The following UBE2F variants were observed in gnomAD, a reference collection of about 807,000 sequenced individuals.
UBE2F encodes NEDD8-conjugating enzyme UBE2F.
In UBE2F, 5 loss-of-function variants were observed where a neutral mutation model predicts 29.6. The ratio of observed to expected loss-of-function variants is 0.17; its 90% confidence interval spans 0.09 to 0.36. The LOEUF (loss-of-function observed/expected upper bound fraction) is 0.36. UBE2F is among the 10% of genes least tolerant of loss of function. UBE2F has a pLI of 1.00. For synonymous variants in UBE2F, 66 were observed against 81.8 expected (o/e 0.81, Z 1.04); for missense variants, 141 against 228.5 (o/e 0.62, Z 2.47).
intron 5 of UBE2F, among the ~76,000 whole-genome samples, chr2:238,022,626 T>G (rs559801716): frequency 2.0e-5 from 3 of 152,316 alleles, no homozygotes; most frequent in Non-Finnish European, 4.4e-5. Context: ...TATAATTCTC[T>G]TTTATGTTTA....
In UBE2F at chr2:238,027,183, G is replaced by A. The variant is rs928372666; in HGVS notation, c.353+1771G>A. Among the ~76,000 whole-genome samples, 72 of 152,106 alleles carry A rather than the reference G, an allele frequency of 4.7e-4. 2 individuals are homozygous for A. Among genetic ancestry groups the A allele is most frequent in the African/African-American group, 1.7e-3 (72 of 41,416 alleles). ...CTGATATAAAAGCCAGACGTCTTAA[G>A]GAAAAAGATTGTCAGATTTGACCAT... On this transcript the variant is annotated intron_variant, in intron 6 of 9. Coordinates refer to ENST00000272930, the MANE Select transcript of UBE2F (RefSeq NM_080678.3).
Position 238,016,654 on chromosome 2 carries a change from CTGT to C in UBE2F, c.282+26_282+28del, listed in dbSNP as rs767920755. 3.8e-6 allele frequency: 6 copies of C among 1,597,866 alleles called. No individual in the cohort carries two copies. In the South Asian group the frequency reaches 6.9e-5, roughly 18 times the overall value. ...TGGTGGTGAGTAGCCTGCGTTGAGC[CTGT>C]TGTTTTACTTCTCGGGCGGGGCTGC... On this transcript the variant is annotated intron_variant, in intron 5 of 9. Transcript: ENST00000272930.
At chr2:237,984,670 A>G (rs2063443454) in intron 2 of UBE2F, among the ~76,000 whole-genome samples, 1 of 152,232 alleles carries the variant, frequency 6.6e-6, no homozygotes, top group East Asian at 1.9e-4. Flanking sequence ...TTGCCGGGTC[A>G]GTTATTTCAG....
intron 5 of UBE2F, 66 bp from the exon 6 acceptor site, chr2:238,025,276 T>C (rs2064395411): frequency 2.1e-6 from 3 of 1,395,842 alleles, no homozygotes; most frequent in East Asian, 2.3e-5. Flanking sequence ...GTGGTAAGGC[T>C]CTGGCCTGGA....
intron 4 of UBE2F, among the ~76,000 whole-genome samples, chr2:237,997,499 A>G (rs778449204): frequency 1.3e-5 from 2 of 152,230 alleles, no homozygotes; most frequent in African/African-American, 4.8e-5. Context: ...AAAAAATTTT[A>G]GAATCCTGCT....
chr2:237,988,408 A>G (rs911539804), intron 3 of UBE2F, among the ~76,000 whole-genome samples: 1 of 151,294 alleles, frequency 6.6e-6, no homozygotes, highest in African/African-American at 2.4e-5. Context: ...AGATCAGGCC[A>G]CTGCACTCCA....
intron 3 of UBE2F, among the ~76,000 whole-genome samples, chr2:237,991,622 T>TTTTTTTTTTTTTTTTTTA (rs2063592809): frequency 5.0e-5 from 7 of 138,860 alleles, no homozygotes; most frequent in Non-Finnish European, 6.2e-5. Context: ...TTTTTTTTTT[T>TTTTTTTTTTTTTTTTTTA]GAGACAGTCT....
intron 4 of UBE2F, among the ~76,000 whole-genome samples, chr2:237,997,921 A>G (rs1158651177): frequency 6.6e-6 from 1 of 152,248 alleles, no homozygotes; most frequent in African/African-American, 2.4e-5. Flanking sequence ...GAAATGAAAC[A>G]AAACAAAAAC....
At chr2:238,019,117 A>T (rs891551678) in intron 5 of UBE2F, among the ~76,000 whole-genome samples, 6 of 151,988 alleles carry the variant, frequency 3.9e-5, no homozygotes, top group Non-Finnish European at 7.4e-5. Flanking sequence ...GGGAAACATC[A>T]TTCCCATGCA....
intron 9 of UBE2F, among the ~76,000 whole-genome samples, chr2:238,036,471 C>T (rs575050975): frequency 6.1e-5 from 8 of 132,154 alleles, no homozygotes; most frequent in Non-Finnish European, 8.2e-5. Flanking sequence ...TGAGCTACGG[C>T]GCCCAGCCGA....
intron 5 of UBE2F, among the ~76,000 whole-genome samples, chr2:238,017,883 G>T (rs1224757561): frequency 6.6e-6 from 1 of 152,102 alleles, no homozygotes; most frequent in Non-Finnish European, 1.5e-5. Flanking sequence ...GAGTGGAGTT[G>T]CCCCCCAACC....
chr2:238,016,385 G>C, intron 4 of UBE2F, 181 bp from the exon 5 acceptor site: 1 of 584,238 alleles, frequency 1.7e-6, no homozygotes, highest in Admixed American at 3.3e-5. Flanking sequence ...TTTCTGTTCA[G>C]GCAGGGGCAG....
chr2:238,025,367 A>T lies in UBE2F; in HGVS notation c.308A>T (p.Lys103Met). Residue 103 changes from lysine (K) to methionine (M), a missense_variant, in exon 6 of 10, where the codon AAG becomes ATG. Coordinates refer to ENST00000272930, the MANE Select transcript of UBE2F (RefSeq NM_080678.3). ...CCTCCCAAAGTGAAATGCCTGACCA[A>T]GATCTGGCACCCCAACATCACAGAG... ...MVPPKVKCLT[K>M]IWHPNITETG... is the part of the protein sequence containing the mutation. 6.2e-7 allele frequency: 1 copy of T among 1,614,090 alleles called. No homozygotes were observed. The highest frequency in any genetic ancestry group is 8.5e-7 in the Non-Finnish European group (1 of 1,179,960).
chr2:237,995,309 C>T (rs1459108979), intron 4 of UBE2F, among the ~76,000 whole-genome samples: 1 of 152,192 alleles, frequency 6.6e-6, no homozygotes, highest in African/African-American at 2.4e-5. Flanking sequence ...CAGCTGTCCT[C>T]AGTAAGACGG....
intron 5 of UBE2F, among the ~76,000 whole-genome samples, chr2:238,018,120 A>G (rs1311637366): frequency 1.3e-5 from 2 of 152,124 alleles, no homozygotes; most frequent in Non-Finnish European, 2.9e-5. Flanking sequence ...GAGACTTTCC[A>G]TCCTTCCCAA....
At chr2:238,012,178 C>T (rs2064049525) in intron 4 of UBE2F, among the ~76,000 whole-genome samples, 1 of 152,042 alleles carries the variant, frequency 6.6e-6, no homozygotes, top group South Asian at 2.1e-4. Flanking sequence ...GTCACCTTGC[C>T]TGTCGTCATA....
intron 8 of UBE2F, among the ~76,000 whole-genome samples, chr2:238,033,919 C>T (rs572105694): frequency 6.6e-6 from 1 of 152,290 alleles, no homozygotes; most frequent in Non-Finnish European, 1.5e-5. Flanking sequence ...AATATTGAGC[C>T]TTGGCATCTC....
chr2:238,007,144 CAG>C (rs981520850), intron 4 of UBE2F, among the ~76,000 whole-genome samples: 5 of 152,010 alleles, frequency 3.3e-5, no homozygotes, highest in African/African-American at 1.2e-4. Flanking sequence ...TTTTTCGAGA[CAG>C]AGTCTTGCTC....
chr2:237,972,584 C>T (rs58574944), intron 1 of UBE2F, among the ~76,000 whole-genome samples: 14,675 of 134,570 alleles, frequency 0.11, 944 homozygotes, highest in Middle Eastern at 0.2. Context: ...AGGGTCTTGC[C>T]GTGTCACACA....
Sources: gnomAD v4.1 joint callset for allele counts (sites outside exome capture counted in the v4.1 genomes callset) on GRCh38, gnomAD v4.1.1 for gene constraint, MANE v1.5 for transcripts, NCBI Gene and HGNC (gene_info 2026-07-23, HGNC 2026-07-21) for gene names.